PCNT: variants seen among roughly 807,000 people sequenced by gnomAD.
PCNT encodes the protein kendrin.
A neutral mutation model predicts 380.4 loss-of-function variants in PCNT; 319 were observed. The observed-to-expected ratio is 0.84, with a 90% CI of 0.77 to 0.92. The LOEUF is 0.92. Ranked by LOEUF, PCNT falls within the 40% of genes least tolerant of loss-of-function variation. The pLI, the probability that PCNT is intolerant of heterozygous loss-of-function variation, is 0.00. For synonymous variants in PCNT, 1,845 were observed against 1,735.2 expected, an observed-to-expected ratio of 1.06 and a Z score of -1.57; for missense variants, 4,400 against 4,255.3, an observed-to-expected ratio of 1.03 and a Z score of -0.95.
At position 46,344,889 on chromosome 21, in the gene PCNT, A is replaced by G. The variant is rs2084017924; in HGVS notation, c.640-1239A>G. Among the ~76,000 whole-genome samples the G allele has an allele frequency of 2.6e-5, 4 of 152,344 alleles. No homozygotes were observed. The South Asian group carries it at 8.3e-4, about 32-fold the overall frequency. ...CTGTGGCTCGACCTGTGTTGCCAAA[A>G]TGGCTGCTGAGAAAAAAGTTGAAGC... On this transcript the variant is annotated intron_variant, in intron 3 of 46. Transcript: ENST00000359568.
At chr21:46,411,099 A>G in intron 27 of PCNT, 90 bp from the exon 28 acceptor site, 1 of 1,311,562 alleles carries the variant, frequency 7.6e-7, no homozygotes, top group Non-Finnish European at 1.1e-6. Context: ...CTTCACTCCA[A>G]GAATGCATTC....
chr21:46,347,341 C>T (rs2084106244), intron 5 of PCNT, 116 bp from the exon 6 acceptor site: 7 of 982,676 alleles, frequency 7.1e-6, no homozygotes, highest in South Asian at 1.3e-5. Flanking sequence ...ATCCTGCTAG[C>T]CCGTGAATGC....
rs78685576 is a variant in PCNT at position 46,427,427 on chromosome 21, C to T, written c.7321-195C>T. ...GGCGCCCTTCCTGGTTTGCGGACAG[C>T]GTCTCCGTGCTGTGTCCTCATATGA... On this transcript the variant is annotated intron_variant, in intron 33 of 46. Transcript: ENST00000359568. Among the ~76,000 whole-genome samples the T allele has an allele frequency of 5.0e-3, 754 of 152,274 alleles. 13 individuals are homozygous for T. The highest frequency in any genetic ancestry group is 0.042 in the East Asian group (215 of 5,172).
intron 16 of PCNT, among the ~76,000 whole-genome samples, chr21:46,382,349 G>A (rs1025823509): frequency 4.1e-5 from 6 of 147,560 alleles, no homozygotes; most frequent in Non-Finnish European, 7.5e-5. Context: ...AGTGGCGGAA[G>A]CGCAATCACA....
chr21:46,436,470 GCCCCCCCC>G (rs1158167144), intron 39 of PCNT, among the ~76,000 whole-genome samples: 349 of 4,790 alleles, frequency 0.073, 75 homozygotes, highest in African/African-American at 0.12. Flanking sequence ...GCCTCCTGTG[GCCCCCCCC>G]CCCCCCCCCC....
intron 31 of PCNT, among the ~76,000 whole-genome samples, chr21:46,418,839 T>G (rs1467454914): frequency 6.6e-6 from 1 of 152,174 alleles, no homozygotes; most frequent in African/African-American, 2.4e-5. Context: ...CTCGCGATGG[T>G]GCGTGGGGGG....
intron 13 of PCNT, among the ~76,000 whole-genome samples, chr21:46,358,113 A>G (rs2084544718): frequency 6.6e-6 from 1 of 151,978 alleles, no homozygotes; most frequent in Non-Finnish European, 1.5e-5. Context: ...GTGGAGTTAA[A>G]GTGAACCAAC....
chr21:46,338,307 T>G (rs751552665), intron 3 of PCNT, among the ~76,000 whole-genome samples: 1 of 152,194 alleles, frequency 6.6e-6, no homozygotes, highest in Non-Finnish European at 1.5e-5. Flanking sequence ...AACCAGCCGC[T>G]CTCTCCTTCC....
At position 46,389,272 on chromosome 21, in the gene PCNT, G is replaced by A. The variant is rs749015020; in HGVS notation, c.3681G>A (p.Glu1227=). 4 of 1,614,138 alleles carry A rather than the reference G, an allele frequency of 2.5e-6. No individual in the cohort carries two copies. In the African/African-American group the frequency reaches 5.3e-5, roughly 22 times the overall value. The change falls in exon 19 of 47, where the codon GAG becomes GAA. Residue 1227 remains glutamate, a synonymous_variant. Transcript: ENST00000359568. ...ELDRTLSECA[E]MSSVAEISSH... is the part of the protein sequence containing the mutation. ...ACAGAACTTTGTCTGAATGTGCAGAGATGTCTTCCGTGGCTGAAATTAGCA... is the reference window on the plus strand; with the variant it reads ...ACAGAACTTTGTCTGAATGTGCAGAAATGTCTTCCGTGGCTGAAATTAGCA...
In PCNT at chr21:46,445,312, G is replaced by C; in HGVS notation, c.9996G>C (p.Pro3332=). 6.2e-7 allele frequency: 1 copy of C among 1,608,262 alleles called. No individual in the cohort carries two copies. Among genetic ancestry groups the C allele is most frequent in the Non-Finnish European group, 8.5e-7 (1 of 1,174,658 alleles). ...CTACTTCAAAGAAATCCTGCCACCC[G>C]ATGATTAAACAGTGAATAAAATGTC... ...PDSTSKKSCH[P]MIKQ Residue 3332 remains proline, a synonymous_variant, in exon 47 of 47, where the codon CCG becomes CCC. Transcript: ENST00000359568.
intron 15 of PCNT, among the ~76,000 whole-genome samples, chr21:46,373,349 C>T (rs550447245): frequency 1.3e-5 from 2 of 151,648 alleles, no homozygotes; most frequent in South Asian, 4.2e-4. Context: ...AGCGTCTTTG[C>T]AGTATTTTTG....
At chr21:46,334,124 G>A (rs2083651435) in intron 2 of PCNT, among the ~76,000 whole-genome samples, 1 of 150,592 alleles carries the variant, frequency 6.6e-6, no homozygotes, top group Admixed American at 6.7e-5. Context: ...GGAATGGCGT[G>A]AACCCAGGAG....
intron 24 of PCNT, 59 bp downstream of exon 24, chr21:46,398,314 T>G: frequency 6.6e-7 from 1 of 1,506,716 alleles, no homozygotes; most frequent in Non-Finnish European, 9.0e-7. Context: ...TCCCCTGCGC[T>G]CGCTGGGACT....
chr21:46,413,445 A>T (rs1474317921), intron 29 of PCNT, among the ~76,000 whole-genome samples: 4 of 152,310 alleles, frequency 2.6e-5, no homozygotes, highest in African/African-American at 9.6e-5. Flanking sequence ...TATTCTGCTG[A>T]GGTGAGGAGC....
chr21:46,347,480 T>G lies in PCNT; in HGVS notation c.1000T>G (p.Ser334Ala). The change falls in exon 6 of 47, where the codon TCA (serine) becomes GCA (alanine). Residue 334 changes from serine (S) to alanine (A), a missense_variant. Ser to Ala is a moderately conservative substitution (Grantham distance 99). Transcript: ENST00000359568. The part of the protein sequence containing the change: ...EAAELKEKLQ[S>A]EMEKNAQIVK... ...AGCTGAGCTGAAGGAGAAGTTACAA[T>G]CAGAAATGGAGAAAAACGCCCAGAT... The G allele has an allele frequency of 6.2e-7, 1 of 1,613,806 alleles. No individual in the cohort carries two copies.
rs1261811066 is a variant in PCNT, at chr21:46,324,573, GGGGCGCGGGCT to G, written c.54+300_54+310del. ...GGGCTGCGCCTGCGTCGGGGGGGGT[GGGGCGCGGGCT>G]GGGCGCGGTGCACGCCGGGGCGGGG... On this transcript the variant is annotated intron_variant, in intron 1 of 46. Transcript: ENST00000359568. Among the ~76,000 whole-genome samples the G allele has an allele frequency of 6.0e-5, 9 of 150,012 alleles. No individual in the cohort carries two copies. The South Asian group carries it at 1.0e-3, about 17-fold the overall frequency.
intron 17 of PCNT, 118 bp downstream of exon 17, chr21:46,386,101 C>A: frequency 8.3e-7 from 1 of 1,212,068 alleles, no homozygotes; most frequent in Non-Finnish European, 1.2e-6. Context: ...TGCACGCTGG[C>A]TCCTGGTGGA....
chr21:46,430,390 G>A (rs1217079811), intron 36 of PCNT, 117 bp from the exon 37 acceptor site: 1 of 1,438,632 alleles, frequency 7.0e-7, no homozygotes, highest in Non-Finnish European at 9.5e-7. Flanking sequence ...CCTGTGGTGG[G>A]GGGTGAAGCA....
chr21:46,346,607 G>A, intron 4 of PCNT, 136 bp from the exon 5 acceptor site: 2 of 1,128,688 alleles, frequency 1.8e-6, no homozygotes, highest in Non-Finnish European at 2.6e-6. Context: ...TCTGTGTCCT[G>A]CCCCTGCTTC....
Sources: gnomAD v4.1 joint callset for allele counts (sites outside exome capture counted in the v4.1 genomes callset) on GRCh38, gnomAD v4.1.1 for gene constraint, MANE v1.5 for transcripts, NCBI Gene and HGNC (gene_info 2026-07-23, HGNC 2026-07-21) for gene names.